Variants in CDYL observed in about 807,000 individuals in gnomAD.
The protein encoded by CDYL is chromodomain Y like.
Under a neutral mutation model 47.3 loss-of-function variants are expected in CDYL, and 8 were observed. The ratio of observed to expected loss-of-function variants is 0.17; its 90% confidence interval spans 0.10 to 0.31. The LOEUF (loss-of-function observed/expected upper bound fraction) is 0.31, where lower values mean the gene tolerates loss of function less well. CDYL is among the 10% of genes least tolerant of loss of function. The pLI is 1.00. For synonymous variants in CDYL, 266 were observed against 265.0 expected (o/e 1.00, Z -0.04); for missense variants, 471 against 701.4 (o/e 0.67, Z 3.71).
At chr6:4,714,896 G>C (rs1374940393) in intron 1 of CDYL, 1 of 152,142 alleles carries the variant, frequency 6.6e-6, no homozygotes. Flanking sequence ...ACCTGAGTGA[G>C]GGTTCCACTC....
chr6:4,784,922 C>CT (rs1161753979), intron 1 of CDYL, among the ~76,000 whole-genome samples: 5,873 of 152,242 alleles, frequency 0.039, 384 homozygotes, highest in African/African-American at 0.13. Context: ...GCTCTCTTGC[C>CT]TGCCACCATG....
chr6:4,709,097 G>A (rs531872513), intron 1 of CDYL, among the ~76,000 whole-genome samples: 78 of 151,864 alleles, frequency 5.1e-4, no homozygotes, highest in African/African-American at 1.8e-3. Flanking sequence ...ACCTTTTCTG[G>A]CACTAATCCA....
At chr6:4,900,793 A>ATCTATATC (rs1561697509) in intron 2 of CDYL, among the ~76,000 whole-genome samples, 13 of 53,700 alleles carry the variant, frequency 2.4e-4, no homozygotes, top group African/African-American at 1.0e-3. Context: ...ATATATATAT[A>ATCTATATC]TATATATATA....
chr6:4,853,695 A>G (rs560795260), intron 1 of CDYL, among the ~76,000 whole-genome samples: 1 of 152,312 alleles, frequency 6.6e-6, no homozygotes, highest in African/African-American at 2.4e-5. Flanking sequence ...ATCTTTTAAA[A>G]AGGAAACAAA....
intron 1 of CDYL, among the ~76,000 whole-genome samples, chr6:4,890,289 C>G (rs1762006769): frequency 6.6e-6 from 1 of 152,166 alleles, no homozygotes; most frequent in South Asian, 2.1e-4. Flanking sequence ...AATACACCCT[C>G]ATACACAACT....
intron 3 of CDYL, among the ~76,000 whole-genome samples, chr6:4,762,321 A>G (rs1758187067): frequency 6.6e-6 from 1 of 152,220 alleles, no homozygotes; most frequent in African/African-American, 2.4e-5. Flanking sequence ...GAACAAACAT[A>G]TCCTCTCTGG....
At chr6:4,791,842 T>G (rs1758928538) in intron 1 of CDYL, among the ~76,000 whole-genome samples, 1 of 151,982 alleles carries the variant, frequency 6.6e-6, no homozygotes, top group Admixed American at 6.6e-5. Flanking sequence ...GCATGGTATT[T>G]AGTAGAAGAT....
At chr6:4,780,581 T>G (rs1230718368) in intron 1 of CDYL, among the ~76,000 whole-genome samples, 2 of 150,680 alleles carry the variant, frequency 1.3e-5, no homozygotes, top group Admixed American at 1.3e-4. Flanking sequence ...CCCTTGTTCT[T>G]AGAAGCTTGT....
At chr6:4,771,923 A>G (rs1243885215), upstream of CDYL, among the ~76,000 whole-genome samples, 1 of 152,206 alleles carries the variant, frequency 6.6e-6, no homozygotes, top group Non-Finnish European at 1.5e-5. Context: ...TTTCCTCTTT[A>G]TGATTTTTGG....
chr6:4,918,254 A>C (rs1279938887), intron 2 of CDYL, among the ~76,000 whole-genome samples: 1 of 152,108 alleles, frequency 6.6e-6, no homozygotes. Flanking sequence ...GGAGAATTAT[A>C]CCATGTCGAT....
At chr6:4,765,390 A>G (rs1386132965) in intron 3 of CDYL, among the ~76,000 whole-genome samples, 1 of 151,494 alleles carries the variant, frequency 6.6e-6, no homozygotes, top group African/African-American at 2.4e-5. Flanking sequence ...ATATCTTTCT[A>G]ATAACATGTG....
At position 4,954,509 on chromosome 6, in the gene CDYL, G is replaced by C. The variant is rs1758809694; in HGVS notation, c.*453G>C. On this transcript the variant is annotated 3_prime_UTR_variant, in exon 7 of 7. Transcript: ENST00000397588. ...GCCTCGCCTCCCTGCCCCACGTAGA[G>C]ACACAGAGTGATGTGAGGCGTTGGC... 1 of 152,726 alleles carries C rather than the reference G, an allele frequency of 6.5e-6. No individual in the cohort carries two copies. Among genetic ancestry groups the C allele is most frequent in the African/African-American group, 2.4e-5 (1 of 41,452 alleles). The allele number at this position is 152,726 out of a possible 1,614,324, so 9.5% of individuals were successfully genotyped here.
At chr6:4,948,218 T>C (rs772568584) in intron 5 of CDYL, among the ~76,000 whole-genome samples, 2 of 152,218 alleles carry the variant, frequency 1.3e-5, no homozygotes, top group Non-Finnish European at 2.9e-5. Flanking sequence ...TCCCACTGTA[T>C]GATCTATGTA....
chr6:4,738,369 ACT>A (rs1324454080), intron 3 of CDYL, among the ~76,000 whole-genome samples: 1 of 145,802 alleles, frequency 6.9e-6, no homozygotes, highest in Non-Finnish European at 1.5e-5. Flanking sequence ...ACCAAGTGAG[ACT>A]CTGTCTCAGA....
chr6:4,719,427 C>CT (rs1757330021), intron 2 of CDYL, among the ~76,000 whole-genome samples: 2 of 152,162 alleles, frequency 1.3e-5, no homozygotes, highest in Admixed American at 1.3e-4. Flanking sequence ...TCCCTCCCCT[C>CT]TAAGTACTTC....
chr6:4,950,916 A>G (rs1758681850), intron 5 of CDYL, among the ~76,000 whole-genome samples: 1 of 147,370 alleles, frequency 6.8e-6, no homozygotes, highest in South Asian at 2.3e-4. Context: ...TGGGCGACAG[A>G]AGGAGACTCC....
At chr6:4,898,263 C>A (rs1478120147) in intron 2 of CDYL, among the ~76,000 whole-genome samples, 1 of 152,160 alleles carries the variant, frequency 6.6e-6, no homozygotes, top group Non-Finnish European at 1.5e-5. Context: ...CCCAGACCAG[C>A]GCCCAGAGGT....
intron 1 of CDYL, among the ~76,000 whole-genome samples, chr6:4,854,929 G>A (rs921412717): frequency 6.6e-6 from 1 of 152,228 alleles, no homozygotes; most frequent in African/African-American, 2.4e-5. Context: ...CAAGACTCAT[G>A]TTGAGAGTCA....
intron 2 of CDYL, among the ~76,000 whole-genome samples, chr6:4,722,543 T>C (rs1757391600): frequency 6.6e-6 from 1 of 152,142 alleles, no homozygotes; most frequent in African/African-American, 2.4e-5. Context: ...TCCTGGTTAA[T>C]CTAGAACTGC....
Sources: allele counts gnomAD v4.1 joint callset (sites outside exome capture counted in the v4.1 genomes callset), GRCh38; gene constraint gnomAD v4.1.1; transcripts MANE v1.5; gene names NCBI Gene and HGNC (gene_info 2026-07-23, HGNC 2026-07-21).